Variants in TBL3 observed in about 807,000 individuals in gnomAD.
The protein encoded by TBL3 is transducin beta like 3.
Under a neutral mutation model 102.7 loss-of-function variants are expected in TBL3, and 71 were observed. The ratio of observed to expected loss-of-function variants is 0.69; its 90% confidence interval spans 0.57 to 0.84. The LOEUF is 0.84. Among genes scored for constraint, TBL3 ranks in the 40% least tolerant of loss-of-function variants. The pLI, the probability that TBL3 is intolerant of heterozygous loss-of-function variation, is 0.00. For missense variants in TBL3, 1,188 were observed against 1,098.5 expected, an observed-to-expected ratio of 1.08 and a Z score of -1.15; for synonymous variants, 578 against 477.7, an observed-to-expected ratio of 1.21 and a Z score of -2.74.
rs768165473 is a variant in TBL3 at position 1,975,338 on chromosome 16, T to C, written c.712-7T>C. On this transcript the variant is annotated splice_region_variant and splice_polypyrimidine_tract_variant and intron_variant, in intron 8 of 21. Coordinates refer to ENST00000568546, the MANE Select transcript of TBL3 (RefSeq NM_006453.3). The stretch of plus-strand genomic sequence containing the variant: ...TGATAGCAGCCTGTGACCCAATTCG[T>C]CTCCAGAGCGTGGAGGCTGCTGTGC... The C allele has an allele frequency of 1.2e-6, 2 of 1,613,990 alleles. No homozygotes were observed. Among genetic ancestry groups the C allele is most frequent in the South Asian group, 2.2e-5 (2 of 91,078 alleles).
In TBL3 at chr16:1,974,214, G is replaced by A. The variant is rs1255467769; in HGVS notation, c.111G>A (p.Gln37=). 2.5e-6 allele frequency: 4 copies of A among 1,599,654 alleles called. No individual in the cohort carries two copies. The highest frequency in any genetic ancestry group is 3.4e-6 in the Non-Finnish European group (4 of 1,172,030). The change falls in exon 3 of 22, where the codon CAG becomes CAA. Residue 37 remains glutamine (Q), a synonymous_variant. Transcript: ENST00000568546. ...GTCCCCAGCTGGACCAGACTGGCCAGCACCTCTTCTGCGTCTGTGGCACCA... is the reference window on the plus strand; with the variant it reads ...GTCCCCAGCTGGACCAGACTGGCCAACACCTCTTCTGCGTCTGTGGCACCA... ...GGKAQLDQTG[Q]HLFCVCGTRV...
intron 1 of TBL3, among the ~76,000 whole-genome samples, chr16:1,972,968 G>A (rs2083371163): frequency 2.0e-5 from 3 of 152,212 alleles, no homozygotes; most frequent in Non-Finnish European, 4.4e-5. Flanking sequence ...CGTCCCAGAG[G>A]CTGGGACAGG....
rs778237732 is a variant in TBL3, at chr16:1,979,519, C to G, written c.*834C>G. 6.2e-7 allele frequency: 1 copy of G among 1,611,264 alleles called. No individual in the cohort carries two copies. Among genetic ancestry groups the G allele is most frequent in the South Asian group, 1.1e-5 (1 of 90,908 alleles). On this transcript the variant is annotated 3_prime_UTR_variant, in exon 22 of 22. Coordinates refer to ENST00000568546, the MANE Select transcript of TBL3 (RefSeq NM_006453.3). ...TCATCTGCGCGGCTGCTCTCGTAGG[C>G]GCGGGAAGCACAGAACTGGGGACCT... is the stretch of plus-strand genomic sequence containing the variant.
At position 1,976,046 on chromosome 16, in the gene TBL3, A is replaced by G. The variant is rs2083398930; in HGVS notation, c.1130-10A>G. ...TGCTGTGTGACCTATACCTCCCCAC[A>G]ACATCTCAGATATCGTCCTGGCCCT... On this transcript the variant is annotated splice_polypyrimidine_tract_variant and intron_variant, in intron 11 of 21. Transcript: ENST00000568546. The G allele has an allele frequency of 1.2e-6, 2 of 1,613,984 alleles. No homozygotes were observed. The highest frequency in any genetic ancestry group is 1.3e-5 in the African/African-American group (1 of 74,904).
rs770569387 is a variant in TBL3 at position 1,975,207 on chromosome 16, G to T, written c.656G>T (p.Cys219Phe). Reference sequence around the variant, plus strand: ...TTCAGCTCCGGCCGTGACAAGATATGTATCATCTGGGACCTTCAGAGCTGC... The same window carrying T: ...TTCAGCTCCGGCCGTGACAAGATATTTATCATCTGGGACCTTCAGAGCTGC... ...TMLSSGRDKI[C>F]IIWDLQSCQA... The change falls in exon 8 of 22, where the codon TGT (cysteine) becomes TTT (phenylalanine). Residue 219 changes from cysteine to phenylalanine, a missense_variant. Coordinates refer to ENST00000568546, the MANE Select transcript of TBL3 (RefSeq NM_006453.3). 5 of 1,613,904 alleles carry T rather than the reference G, an allele frequency of 3.1e-6. No individual in the cohort carries two copies. The South Asian group carries it at 5.5e-5, about 18-fold the overall frequency.
In TBL3 at chr16:1,976,278, G is replaced by GTC. The variant is rs1479905689; in HGVS notation, c.1257_1258dup (p.His420LeufsTer14). 1.2e-6 allele frequency: 2 copies of GTC among 1,614,040 alleles called. No homozygotes were observed. Among genetic ancestry groups the GTC allele is most frequent in the East Asian group, 2.2e-5 (1 of 44,878 alleles). ...GTGATGTGCGTGGCTCAGGGTTCCG[G>GTC]TCACACACACAGTGTGGGCACCGTC... On this transcript the variant is annotated frameshift_variant, in exon 13 of 22. Transcript: ENST00000568546. LOFTEE classifies it high-confidence loss of function.
chr16:1,978,430 A>G lies in TBL3; in HGVS notation c.2252A>G (p.Glu751Gly), dbSNP rs375632762. 6 of 1,610,436 alleles carry G rather than the reference A, an allele frequency of 3.7e-6. No individual in the cohort carries two copies. Among genetic ancestry groups the G allele is most frequent in the Non-Finnish European group, 5.1e-6 (6 of 1,178,668 alleles). The change falls in exon 21 of 22, where the codon GAA (glutamate) becomes GGA (glycine). Residue 751 changes from glutamate to glycine, a missense_variant. Glu to Gly is a moderately conservative substitution (Grantham distance 98). Transcript: ENST00000568546. ...REAPEELLAY[E>G]GVRAALEALL... ...GCCCCCGAGGAGCTGCTGGCCTACG[A>G]AGGCGTGCGGGCAGCGCTTGAGGCC...
Position 1,978,167 on chromosome 16 carries a change from AGGCC to A in TBL3, c.2082_2085del (p.Glu694AspfsTer45), listed in dbSNP as rs1176361334. On this transcript the variant is annotated frameshift_variant, in exon 20 of 22. Coordinates refer to ENST00000568546, the MANE Select transcript of TBL3 (RefSeq NM_006453.3). LOFTEE classifies it high-confidence loss of function. Reference sequence around the variant, plus strand: ...CCCACAGCCATCCGGAGGGACCCTGAGGCCTGCGAGAAGCTGGAAGCCACCATGC... The same window carrying A: ...CCCACAGCCATCCGGAGGGACCCTGATGCGAGAAGCTGGAAGCCACCATGC... 1 of 1,612,752 alleles carries A rather than the reference AGGCC, an allele frequency of 6.2e-7. No homozygotes were observed. The highest frequency in any genetic ancestry group is 8.5e-7 in the Non-Finnish European group (1 of 1,179,860).
chr16:1,979,748 C>A lies in TBL3; in HGVS notation c.*1063C>A. ...TTCTGGCCCAGTCTTGCCACACGGT[C>A]AAGCCGCAGTGGTGGCGTGAGGGGT... On this transcript the variant is annotated 3_prime_UTR_variant, in exon 22 of 22. Transcript: ENST00000568546. The A allele has an allele frequency of 7.0e-7, 1 of 1,432,168 alleles. No individual in the cohort carries two copies. The highest frequency in any genetic ancestry group is 1.3e-5 in the South Asian group (1 of 75,638). The allele number at this position is 1,432,168 out of a possible 1,614,324, so 88.7% of individuals were successfully genotyped here.
In TBL3 at chr16:1,982,636, C is replaced by G. The variant is rs1278249686; in HGVS notation, c.*3951C>G. ...CTCACTTGCCCCTACAAAATCCACT[C>G]CAAGGACAGACACAGTGCCTCACCT... On this transcript the variant is annotated 3_prime_UTR_variant, in exon 22 of 22. Coordinates refer to ENST00000568546, the MANE Select transcript of TBL3 (RefSeq NM_006453.3). 6.6e-6 allele frequency: 1 copy of G among 152,314 alleles called. No homozygotes were observed. The highest frequency in any genetic ancestry group is 1.5e-5 in the Non-Finnish European group (1 of 68,158). The allele number at this position is 152,314 out of a possible 1,614,324, so 9.4% of individuals were successfully genotyped here.
chr16:1,981,952 G>A lies in TBL3; in HGVS notation c.*3267G>A, dbSNP rs1469495359. ...GTGGTGGTCAGGGAAGTGGTCACTA[G>A]GGCTGTTTTGAGAACCACCTCTCAA... is the stretch of plus-strand genomic sequence containing the variant. On this transcript the variant is annotated 3_prime_UTR_variant, in exon 22 of 22. Transcript: ENST00000568546. The A allele has an allele frequency of 6.6e-6, 1 of 152,112 alleles. No homozygotes were observed. Among genetic ancestry groups the A allele is most frequent in the Admixed American group, 6.5e-5 (1 of 15,278 alleles). The allele number at this position is 152,112 out of a possible 1,614,324, so 9.4% of individuals were successfully genotyped here.
rs948627195 is a variant in TBL3 at position 1,978,490 on chromosome 16, G to T, written c.2293+19G>T. The T allele has an allele frequency of 1.9e-6, 3 of 1,591,452 alleles. No homozygotes were observed. The highest frequency in any genetic ancestry group is 1.7e-5 in the Admixed American group (1 of 58,852). On this transcript the variant is annotated intron_variant, in intron 21 of 21. Transcript: ENST00000568546. Reference sequence around the variant, plus strand: ...TACACTGGTATGTGGGCACAGCCTGGGGTTGGGGGATCCTGGTGGGCGTGT... The same window carrying T: ...TACACTGGTATGTGGGCACAGCCTGTGGTTGGGGGATCCTGGTGGGCGTGT...
At position 1,976,070 on chromosome 16, in the gene TBL3, C is replaced by G; in HGVS notation, c.1144C>G (p.Leu382Val). ...LHGHTDIVLA[L>V]DVFRKGWLFA... ...CAACATCTCAGATATCGTCCTGGCCCTGGATGTGTTCCGGAAGGGGTGGCT... is the reference window on the plus strand; with the variant it reads ...CAACATCTCAGATATCGTCCTGGCCGTGGATGTGTTCCGGAAGGGGTGGCT... Residue 382 changes from leucine to valine, a missense_variant, in exon 12 of 22, where the codon CTG (leucine) becomes GTG (valine). Transcript: ENST00000568546. 6.2e-7 allele frequency: 1 copy of G among 1,614,218 alleles called. No homozygotes were observed. The highest frequency in any genetic ancestry group is 1.1e-5 in the South Asian group (1 of 91,090).
In TBL3 at chr16:1,978,590, G is replaced by A. The variant is rs752184023; in HGVS notation, c.2332G>A (p.Ala778Thr). Residue 778 changes from alanine to threonine, a missense_variant, in exon 22 of 22, where the codon GCC becomes ACC. Physicochemically the swap from Ala to Thr is moderately conservative, Grantham distance 58 (BLOSUM62 0). Transcript: ENST00000568546. The stretch of plus-strand genomic sequence containing the variant: ...GCGGCTCAGCAGGACCCTCCAGGCC[G>A]CCGCTTTCTTGGACTTCCTGTGGCA... Reference protein sequence around the residue: ...FQRLSRTLQAAAFLDFLWHNM... With the variant: ...FQRLSRTLQATAFLDFLWHNM... 1.2e-5 allele frequency: 19 copies of A among 1,612,562 alleles called. 1 individual carries two copies. In the Middle Eastern group the frequency reaches 8.2e-4, roughly 70 times the overall value.
intron 1 of TBL3, among the ~76,000 whole-genome samples, chr16:1,973,805 C>T (rs2083377262): frequency 6.6e-6 from 1 of 152,188 alleles, no homozygotes; most frequent in Non-Finnish European, 1.5e-5. Flanking sequence ...GCTGACTCCA[C>T]CTGACACAGG....
rs778129829 is a variant in TBL3, at chr16:1,978,438, C to A, written c.2260C>A (p.Arg754=). The A allele has an allele frequency of 4.4e-6, 7 of 1,608,812 alleles. No individual in the cohort carries two copies. Among genetic ancestry groups the A allele is most frequent in the Admixed American group, 1.7e-5 (1 of 59,754 alleles). Residue 754 remains arginine (R), a synonymous_variant, in exon 21 of 22, where the codon CGG becomes AGG. Coordinates refer to ENST00000568546, the MANE Select transcript of TBL3 (RefSeq NM_006453.3). ...GGAGCTGCTGGCCTACGAAGGCGTG[C>A]GGGCAGCGCTTGAGGCCCTGCTGCC... ...PEELLAYEGV[R]AALEALLPYT...
rs1226984522 is a variant in TBL3 at position 1,975,823 on chromosome 16, G to A, written c.1003G>A (p.Glu335Lys). ...RLQKQFAGYSEEVLDVRFLGP... is the reference protein window; with the variant it reads ...RLQKQFAGYSKEVLDVRFLGP... ...CACCCCGCAGTTCGCTGGCTACAGT[G>A]AGGAGGTTTTGGATGTCCGGTTTCT... Residue 335 changes from glutamate to lysine, a missense_variant, in exon 11 of 22, where the codon GAG becomes AAG. Coordinates refer to ENST00000568546, the MANE Select transcript of TBL3 (RefSeq NM_006453.3). 1.9e-6 allele frequency: 3 copies of A among 1,614,202 alleles called. No individual in the cohort carries two copies. Among genetic ancestry groups the A allele is most frequent in the South Asian group, 1.1e-5 (1 of 91,088 alleles).
intron 1 of TBL3, among the ~76,000 whole-genome samples, chr16:1,973,823 C>G (rs1227000681): frequency 3.9e-5 from 6 of 152,178 alleles, no homozygotes; most frequent in Non-Finnish European, 8.8e-5. Flanking sequence ...AGGCCCACCC[C>G]CTACTGCCTC....
In TBL3 at chr16:1,975,149, G is replaced by T. The variant is rs2083390437; in HGVS notation, c.636-38G>T. The T allele has an allele frequency of 2.5e-6, 4 of 1,613,516 alleles. No individual in the cohort carries two copies. In the South Asian group the frequency reaches 3.3e-5, roughly 13 times the overall value. ...GGGAGGCTTGGAAAGTGGGGGCTGA[G>T]GCTAAGACTTGACCTGAGGTTGCCG... On this transcript the variant is annotated intron_variant, in intron 7 of 21. Coordinates refer to ENST00000568546, the MANE Select transcript of TBL3 (RefSeq NM_006453.3).
Sources: gnomAD v4.1 joint callset for allele counts (sites outside exome capture counted in the v4.1 genomes callset) on GRCh38, gnomAD v4.1.1 for gene constraint, MANE v1.5 for transcripts, NCBI Gene and HGNC (gene_info 2026-07-23, HGNC 2026-07-21) for gene names.